Variants in PDE4D observed in about 807,000 individuals in gnomAD.
The protein encoded by PDE4D is 3',5'-cyclic-AMP phosphodiesterase 4D.
Under a neutral mutation model 87.4 loss-of-function variants are expected in PDE4D, and 24 were observed. That is an observed-to-expected ratio of 0.27 (90% confidence interval 0.20 to 0.39). PDE4D has a LOEUF of 0.39. Ranked by LOEUF, PDE4D falls within the 10% of genes least tolerant of loss-of-function variation. The pLI is 1.00. For synonymous variants in PDE4D, 384 were observed against 383.2 expected (o/e 1.00, Z -0.02); for missense variants, 714 against 1,041.0 (o/e 0.69, Z 4.32).
At chr5:60,075,342 A>G (rs796552779) in intron 2 of PDE4D, among the ~76,000 whole-genome samples, 16 of 152,138 alleles carry the variant, frequency 1.1e-4, no homozygotes, top group Non-Finnish European at 2.1e-4. Context: ...TAGTCCCCCA[A>G]TCTCTCTGGC....
At chr5:60,238,747 A>C (rs1746722624) in intron 1 of PDE4D, among the ~76,000 whole-genome samples, 1 of 151,978 alleles carries the variant, frequency 6.6e-6, no homozygotes, top group African/African-American at 2.4e-5. Flanking sequence ...AATGCATATT[A>C]ATTTTTGTTG....
chr5:59,544,974 A>G (rs1295182796), intron 1 of PDE4D, among the ~76,000 whole-genome samples: 2 of 152,212 alleles, frequency 1.3e-5, no homozygotes, highest in Non-Finnish European at 2.9e-5. Context: ...GAAAATTTTG[A>G]TCATTACTCA....
At chr5:60,367,034 C>G (rs1331793923) in intron 1 of PDE4D, among the ~76,000 whole-genome samples, 1 of 152,188 alleles carries the variant, frequency 6.6e-6, no homozygotes, top group African/African-American at 2.4e-5. Context: ...TTTGAGATCA[C>G]TCTGTCCTGG....
At chr5:59,525,088 G>A (rs1053059033) in intron 1 of PDE4D, among the ~76,000 whole-genome samples, 1 of 152,210 alleles carries the variant, frequency 6.6e-6, no homozygotes, top group Non-Finnish European at 1.5e-5. Context: ...GTGGAGCTGT[G>A]AGAAGAGGGC....
chr5:59,784,834 C>T (rs1427511410), intron 1 of PDE4D, among the ~76,000 whole-genome samples: 1 of 152,076 alleles, frequency 6.6e-6, no homozygotes, highest in East Asian at 1.9e-4. Flanking sequence ...CAATTTTCCC[C>T]ATACTGTTCT....
chr5:59,676,091 A>G (rs925865324), intron 1 of PDE4D, among the ~76,000 whole-genome samples: 4 of 140,646 alleles, frequency 2.8e-5, no homozygotes. Context: ...ATATATGTAT[A>G]TGTATATACA....
At chr5:59,821,237 G>GCAACAACAACAA (rs71606606) in intron 1 of PDE4D, among the ~76,000 whole-genome samples, 26 of 148,994 alleles carry the variant, frequency 1.7e-4, no homozygotes, top group Middle Eastern at 6.8e-3. Context: ...TGTCTCAACA[G>GCAACAACAACAA]CAACAACAAC....
intron 1 of PDE4D, among the ~76,000 whole-genome samples, chr5:59,861,903 A>G (rs1355070051): frequency 6.6e-6 from 1 of 152,252 alleles, no homozygotes; most frequent in Non-Finnish European, 1.5e-5. Context: ...AGAAAACAAC[A>G]GCTGGCAAAG....
chr5:59,317,036 C>G (rs535770207), intron 1 of PDE4D, among the ~76,000 whole-genome samples: 23 of 152,290 alleles, frequency 1.5e-4, no homozygotes, highest in African/African-American at 5.5e-4. Flanking sequence ...TATAGGCAGG[C>G]ACTACATCCT....
At chr5:60,466,549 G>A (rs1410294946) in intron 1 of PDE4D, among the ~76,000 whole-genome samples, 2 of 152,148 alleles carry the variant, frequency 1.3e-5, no homozygotes, top group Non-Finnish European at 2.9e-5. Context: ...TTTTACAAAT[G>A]CATCTTTTTA....
At chr5:59,093,751 T>C (rs753625286) in intron 5 of PDE4D, among the ~76,000 whole-genome samples, 1 of 152,126 alleles carries the variant, frequency 6.6e-6, no homozygotes, top group Admixed American at 6.5e-5. Context: ...TAACTAAGAA[T>C]GAACAGCCTC....
intron 1 of PDE4D, among the ~76,000 whole-genome samples, chr5:59,289,727 A>G (rs1190381401): frequency 6.6e-6 from 1 of 151,976 alleles, no homozygotes; most frequent in African/African-American, 2.4e-5. Context: ...TTTGAAAGGA[A>G]GAAGGCAAAT....
intron 1 of PDE4D, among the ~76,000 whole-genome samples, chr5:59,525,243 G>T (rs1231553173): frequency 6.6e-6 from 1 of 152,260 alleles, no homozygotes; most frequent in African/African-American, 2.4e-5. Context: ...AGCTGCCAAA[G>T]TGGTGGGGAC....
intron 1 of PDE4D, among the ~76,000 whole-genome samples, chr5:59,231,817 G>A (rs1317868461): frequency 1.3e-5 from 2 of 151,952 alleles, no homozygotes; most frequent in Admixed American, 6.6e-5. Flanking sequence ...GATCTTCCTC[G>A]GTTAACAGAT....
intron 1 of PDE4D, among the ~76,000 whole-genome samples, chr5:60,230,075 G>C (rs182951086): frequency 1.3e-5 from 2 of 152,090 alleles, no homozygotes; most frequent in Admixed American, 6.6e-5. Flanking sequence ...ATCAAAATAG[G>C]GCAACAAGCA....
At chr5:59,989,281 T>G (rs906588641) in intron 2 of PDE4D, among the ~76,000 whole-genome samples, 17 of 151,698 alleles carry the variant, frequency 1.1e-4, no homozygotes, top group African/African-American at 4.1e-4. Flanking sequence ...ATGGGAAATA[T>G]TTGTGTATCT....
At chr5:60,070,412 GAT>G (rs1454416219) in intron 2 of PDE4D, among the ~76,000 whole-genome samples, 2 of 152,024 alleles carry the variant, frequency 1.3e-5, no homozygotes, top group Non-Finnish European at 2.9e-5. Flanking sequence ...TTAATTAAAA[GAT>G]GTTAAATTTT....
chr5:60,518,694 AT>A (rs1212996561), intron 1 of PDE4D, among the ~76,000 whole-genome samples: 3 of 151,352 alleles, frequency 2.0e-5, no homozygotes, highest in African/African-American at 7.3e-5. Flanking sequence ...GCCTGGTGTT[AT>A]TTTTTTTTCT....
At chr5:60,139,804 T>G (rs916420076) in intron 2 of PDE4D, among the ~76,000 whole-genome samples, 1 of 152,040 alleles carries the variant, frequency 6.6e-6, no homozygotes, top group Non-Finnish European at 1.5e-5. Context: ...ACATCTATAA[T>G]TGTTATTATG....
Sources: gnomAD v4.1 joint callset for allele counts (sites outside exome capture counted in the v4.1 genomes callset) on GRCh38, gnomAD v4.1.1 for gene constraint, MANE v1.5 for transcripts, NCBI Gene and HGNC (gene_info 2026-07-23, HGNC 2026-07-21) for gene names.